The following XPO4 variants were observed in gnomAD, a reference collection of about 807,000 sequenced individuals.
XPO4 encodes the protein exportin 4, also known as exportin-4.
XPO4 carries 39 observed loss-of-function variants against 143.0 expected under a neutral mutation model. The observed-to-expected ratio is 0.27, with a 90% confidence interval of 0.21 to 0.36. The LOEUF is 0.36. XPO4 is among the 10% of genes least tolerant of loss of function. The pLI, the probability that XPO4 is intolerant of heterozygous loss-of-function variation, is 1.00. For synonymous variants in XPO4, 439 were observed against 474.0 expected (o/e 0.93, Z 0.96); for missense variants, 907 against 1,348.0 (o/e 0.67, Z 5.12).
intron 21 of XPO4, 58 bp downstream of exon 21, chr13:20,787,423 G>T: frequency 6.8e-7 from 1 of 1,477,872 alleles, no homozygotes; most frequent in Non-Finnish European, 9.5e-7. Flanking sequence ...AGAATTATGT[G>T]CACCGACCAC....
chr13:20,808,627 G>A (rs953177191), intron 11 of XPO4, 46 bp from the exon 12 acceptor site: 5 of 1,449,256 alleles, frequency 3.5e-6, no homozygotes, highest in Non-Finnish European at 4.6e-6. Context: ...AATAAGCAAA[G>A]ACATGGAACA....
intron 1 of XPO4, among the ~76,000 whole-genome samples, chr13:20,899,673 T>C (rs922139901): frequency 6.6e-6 from 1 of 152,250 alleles, no homozygotes; most frequent in Admixed American, 6.5e-5. Context: ...CTAAGATTCT[T>C]CTATGTTCTA....
chr13:20,889,429 A>G (rs970272157), intron 1 of XPO4, among the ~76,000 whole-genome samples: 2 of 152,178 alleles, frequency 1.3e-5, no homozygotes, highest in African/African-American at 4.8e-5. Context: ...TTGTCCCCCA[A>G]GGGACATCTG....
intron 6 of XPO4, among the ~76,000 whole-genome samples, chr13:20,828,152 G>T: frequency 6.6e-6 from 1 of 151,996 alleles, no homozygotes; most frequent in East Asian, 1.9e-4. Context: ...CGGGAGAGTC[G>T]CTTGAAAACA....
At chr13:20,787,088 C>T in intron 21 of XPO4, 31 bp from the exon 22 acceptor site, 1 of 1,538,004 alleles carries the variant, frequency 6.5e-7, no homozygotes, top group Non-Finnish European at 8.8e-7. Context: ...TAAATAAAAA[C>T]ATAGGATGAT....
Position 20,806,802 on chromosome 13 carries a change from C to T in XPO4, c.1817+655G>A, listed in dbSNP as rs975121958. 8.5e-5 allele frequency among the ~76,000 whole-genome samples: 13 copies of T among 152,070 alleles called. No homozygotes were observed. In the South Asian group the frequency reaches 1.5e-3, roughly 17 times the overall value. On this transcript the variant is annotated intron_variant, in intron 13 of 22. Transcript: ENST00000255305. ...TCTTGACCTCATGATCTGCCCGCCT[C>T]GGTCTCCCAAAGTGCTGGGATTGCA...
rs1352965781 is a variant in XPO4 at position 20,808,446 on chromosome 13, A to T, written c.1629T>A (p.Ile543=). 6.6e-7 allele frequency: 1 copy of T among 1,523,228 alleles called. No individual in the cohort carries two copies. Among genetic ancestry groups the T allele is most frequent in the Non-Finnish European group, 8.9e-7 (1 of 1,117,976 alleles). The allele number at this position is 1,523,228 out of a possible 1,614,324, so 94.4% of individuals were successfully genotyped here. ...AAACCACCAACCAACCTGTAACTAA[A>T]ATAAGCCAGTGAATATCTTCATAGA... ...DDLYEDIHWL[I]LVTGYLLADD... The change falls in exon 12 of 23, where the codon ATT becomes ATA. Residue 543 remains isoleucine, a synonymous_variant. Coordinates refer to ENST00000255305, the MANE Select transcript of XPO4 (RefSeq NM_022459.5).
chr13:20,783,884 T>G lies in XPO4; in HGVS notation c.3294A>C (p.Ser1098=). 1 of 1,614,172 alleles carries G rather than the reference T, an allele frequency of 6.2e-7. No individual in the cohort carries two copies. Among genetic ancestry groups the G allele is most frequent in the Non-Finnish European group, 8.5e-7 (1 of 1,180,026 alleles). Residue 1098 remains serine (S), a synonymous_variant, in exon 23 of 23, where the codon TCA becomes TCC. Transcript: ENST00000255305. ...GGTAAATAACTGGGTCTTGCTGACT[T>G]GATAGTAATGTTTCGACCAGTTCAG... ...EYSELVETLL[S]SQQDPVIYQR...
chr13:20,799,112 AG>A, intron 16 of XPO4, 52 bp downstream of exon 16: 3 of 1,476,928 alleles, frequency 2.0e-6, no homozygotes, highest in East Asian at 2.3e-5. Context: ...GCATAGATAA[AG>A]GAACTACAGA....
intron 4 of XPO4, chr13:20,849,549 C>G: frequency 1.0e-6 from 1 of 985,372 alleles, no homozygotes; most frequent in Non-Finnish European, 1.2e-6. Context: ...GTACTGACAG[C>G]AGGTCTGACA....
intron 20 of XPO4, 102 bp downstream of exon 20, chr13:20,788,384 C>G (rs1031743130): frequency 4.8e-6 from 7 of 1,470,158 alleles, no homozygotes; most frequent in Non-Finnish European, 6.4e-6. Flanking sequence ...TAAAATTGAA[C>G]CATAAAAGAA....
intron 2 of XPO4, 66 bp from the exon 3 acceptor site, chr13:20,862,924 T>C (rs1406307849): frequency 6.3e-7 from 1 of 1,592,594 alleles, no homozygotes; most frequent in East Asian, 2.2e-5. Context: ...TTTGCATTTA[T>C]TAATTTTAAA....
At chr13:20,888,451 A>G (rs1427246540) in intron 1 of XPO4, among the ~76,000 whole-genome samples, 2 of 152,136 alleles carry the variant, frequency 1.3e-5, no homozygotes, top group Non-Finnish European at 2.9e-5. Context: ...CCCAGACTCA[A>G]TGGATGCTCC....
chr13:20,875,349 G>A (rs1415425917), intron 1 of XPO4, among the ~76,000 whole-genome samples: 1 of 152,012 alleles, frequency 6.6e-6, no homozygotes, highest in Non-Finnish European at 1.5e-5. Flanking sequence ...CAGGTTTTGG[G>A]CCTTTCTAGC....
intron 3 of XPO4, among the ~76,000 whole-genome samples, chr13:20,859,611 C>A (rs2060177881): frequency 7.1e-6 from 1 of 140,190 alleles, no homozygotes; most frequent in South Asian, 2.3e-4. Flanking sequence ...AAAAACAAAC[C>A]AAAAAAAATA....
At chr13:20,841,178 T>C (rs1317955574) in intron 6 of XPO4, among the ~76,000 whole-genome samples, 1 of 152,222 alleles carries the variant, frequency 6.6e-6, no homozygotes, top group African/African-American at 2.4e-5. Flanking sequence ...GATAGCTCCA[T>C]ATGGACTGCT....
At chr13:20,856,834 C>T (rs1339117723) in intron 3 of XPO4, 1 of 985,172 alleles carries the variant, frequency 1.0e-6, no homozygotes, top group Non-Finnish European at 1.2e-6. Flanking sequence ...ATTCCCTCTC[C>T]CAAGATTATG....
rs985089499 is a variant in XPO4, at chr13:20,782,725, C to CA, written c.*996dup. ...TACATAAATACACGATCGAAAGGGG[C>CA]AACAGGTTCATAGCAGCTAACACCC... On this transcript the variant is annotated 3_prime_UTR_variant, in exon 23 of 23. Transcript: ENST00000255305. 1 of 152,602 alleles carries CA rather than the reference C, an allele frequency of 6.6e-6. No homozygotes were observed. Among genetic ancestry groups the CA allele is most frequent in the Admixed American group, 6.5e-5 (1 of 15,270 alleles). 9.5% of individuals were successfully genotyped at this position (152,602 alleles called of 1,614,324 possible). A position where few individuals can be genotyped will look rare whatever the true frequency, so the allele number is the denominator to read the frequency against.
intron 1 of XPO4, among the ~76,000 whole-genome samples, chr13:20,895,874 G>C (rs1330412050): frequency 6.6e-6 from 1 of 151,972 alleles, no homozygotes; most frequent in Admixed American, 6.6e-5. Flanking sequence ...AAGAATACCA[G>C]TATATTAAAT....
Sources: allele counts gnomAD v4.1 joint callset (sites outside exome capture counted in the v4.1 genomes callset), GRCh38; gene constraint gnomAD v4.1.1; transcripts MANE v1.5; gene names NCBI Gene and HGNC (gene_info 2026-07-23, HGNC 2026-07-21).